DCDC2C: variants seen among roughly 807,000 people sequenced by gnomAD.
DCDC2C encodes the protein doublecortin domain-containing protein 2C.
A neutral mutation model predicts 45.0 loss-of-function variants in DCDC2C; 44 were observed. The observed-to-expected ratio is 0.98, with a 90% CI of 0.77 to 1.26. The LOEUF is 1.26. Ranked by LOEUF, DCDC2C falls within the 50% of genes most tolerant of loss-of-function variation. The pLI is 0.00. For missense variants in DCDC2C, 447 were observed against 468.9 expected, an observed-to-expected ratio of 0.95 and a Z score of 0.43; for synonymous variants, 187 against 178.8, an observed-to-expected ratio of 1.05 and a Z score of -0.37.
chr2:3,785,364 G>C (rs993452657), intron 10 of DCDC2C, among the ~76,000 whole-genome samples: 1 of 152,172 alleles, frequency 6.6e-6, no homozygotes, highest in Non-Finnish European at 1.5e-5. Context: ...CTAGGGCAGC[G>C]TGTGGCTGGC....
intron 4 of DCDC2C, among the ~76,000 whole-genome samples, chr2:3,748,542 GT>G (rs1009916073): frequency 1.2e-4 from 18 of 151,852 alleles, no homozygotes; most frequent in Non-Finnish European, 2.4e-4. Flanking sequence ...TTTTGGACGC[GT>G]CCAGTTGGTG....
chr2:3,767,762 C>T lies in DCDC2C; in HGVS notation c.735C>T (p.Ser245=). ...KNSQRKKKVD[S]KGKEPCKYDG... is the part of the protein sequence containing the mutation. ...CTTCATTTGTCCTGTAGGTGGACTC[C>T]AAAGGAAAAGAACCTTGTAAATATG... Residue 245 remains serine (S), a synonymous_variant, in exon 7 of 11, where the codon TCC becomes TCT. Transcript: ENST00000399143. The T allele has an allele frequency of 3.2e-6, 5 of 1,550,562 alleles. No homozygotes were observed. The highest frequency in any genetic ancestry group is 4.4e-6 in the Non-Finnish European group (5 of 1,146,908).
At chr2:3,813,075 T>G (rs1216448315) in intron 10 of DCDC2C, among the ~76,000 whole-genome samples, 9 of 106,290 alleles carry the variant, frequency 8.5e-5, no homozygotes, top group African/African-American at 3.2e-4. Context: ...ATATTTTTTT[T>G]TTTTTGCTGT....
At chr2:3,746,521 GT>G (rs1404700241) in intron 4 of DCDC2C, among the ~76,000 whole-genome samples, 1 of 152,208 alleles carries the variant, frequency 6.6e-6, no homozygotes, top group Non-Finnish European at 1.5e-5. Context: ...GAAGGAAAAG[GT>G]GATGAGCTAT....
At chr2:3,716,986 G>A (rs1045275241) in intron 2 of DCDC2C, among the ~76,000 whole-genome samples, 1 of 152,136 alleles carries the variant, frequency 6.6e-6, no homozygotes, top group Non-Finnish European at 1.5e-5. Flanking sequence ...CTGCTGATAG[G>A]GGTGAGGTGG....
At chr2:3,763,579 G>A (rs1669943683) in intron 6 of DCDC2C, among the ~76,000 whole-genome samples, 1 of 152,154 alleles carries the variant, frequency 6.6e-6, no homozygotes, top group South Asian at 2.1e-4. Context: ...TGCTGCACGG[G>A]GTCTCTAGTC....
At chr2:3,744,920 G>A (rs1294875648) in intron 4 of DCDC2C, among the ~76,000 whole-genome samples, 1 of 152,198 alleles carries the variant, frequency 6.6e-6, no homozygotes, top group Non-Finnish European at 1.5e-5. Context: ...ATAAAGCTGT[G>A]TGCAGTAGAT....
chr2:3,711,931 G>T (rs1415199434), intron 2 of DCDC2C, among the ~76,000 whole-genome samples: 1 of 152,232 alleles, frequency 6.6e-6, no homozygotes, highest in East Asian at 1.9e-4. Context: ...TATCATGTCA[G>T]CGTGCGTGGC....
At chr2:3,728,661 C>T (rs1668769320) in intron 3 of DCDC2C, among the ~76,000 whole-genome samples, 3 of 152,222 alleles carry the variant, frequency 2.0e-5, no homozygotes, top group Admixed American at 1.3e-4. Flanking sequence ...AGTGCAGAGT[C>T]CTTCCTACCA....
chr2:3,751,494 G>A (rs957819851), intron 4 of DCDC2C, among the ~76,000 whole-genome samples: 7 of 152,188 alleles, frequency 4.6e-5, no homozygotes, highest in Non-Finnish European at 1.0e-4. Context: ...GCAGCTCTCG[G>A]GATGGGACCC....
At chr2:3,807,242 TC>T (rs959424992) in intron 10 of DCDC2C, among the ~76,000 whole-genome samples, 1 of 152,080 alleles carries the variant, frequency 6.6e-6, no homozygotes, top group South Asian at 2.1e-4. Context: ...CTTCCAAATT[TC>T]CCCCCTTGCC....
chr2:3,759,306 A>G (rs1669813418), intron 6 of DCDC2C, among the ~76,000 whole-genome samples: 1 of 152,218 alleles, frequency 6.6e-6, no homozygotes, highest in African/African-American at 2.4e-5. Context: ...ATGCTATGTC[A>G]TAAAAATGGG....
intron 6 of DCDC2C, among the ~76,000 whole-genome samples, chr2:3,766,151 A>AC (rs1030653849): frequency 3.9e-5 from 6 of 151,954 alleles, no homozygotes; most frequent in African/African-American, 1.5e-4. Flanking sequence ...GCTGGGTCAC[A>AC]CCGTGGGTGG....
intron 2 of DCDC2C, among the ~76,000 whole-genome samples, chr2:3,719,160 A>C (rs530273130): frequency 1.5e-4 from 22 of 151,486 alleles, no homozygotes; most frequent in African/African-American, 5.1e-4. Context: ...ATCTTGGCTC[A>C]CTGCAAGCTC....
At chr2:3,772,246 C>T (rs1354873698) in intron 8 of DCDC2C, among the ~76,000 whole-genome samples, 1 of 151,648 alleles carries the variant, frequency 6.6e-6, no homozygotes, top group Non-Finnish European at 1.5e-5. Context: ...ATCCGAGCAT[C>T]CATGGAGGAT....
chr2:3,795,544 A>G (rs1324007985), intron 10 of DCDC2C, among the ~76,000 whole-genome samples: 3 of 120,886 alleles, frequency 2.5e-5, no homozygotes, highest in Admixed American at 8.4e-5. Context: ...TGATTTTTGT[A>G]TAAGGTGTGA....
intron 1 of DCDC2C, among the ~76,000 whole-genome samples, chr2:3,708,095 G>T (rs1167658769): frequency 6.6e-6 from 1 of 152,126 alleles, no homozygotes; most frequent in African/African-American, 2.4e-5. Context: ...TTTGGCAAAA[G>T]GAGAACAGTG....
chr2:3,778,095 C>T (rs1670399507), intron 8 of DCDC2C, among the ~76,000 whole-genome samples: 1 of 142,344 alleles, frequency 7.0e-6, no homozygotes. Flanking sequence ...TGTGCAGCAC[C>T]CACACCGCAT....
chr2:3,735,532 T>C (rs961909159), intron 3 of DCDC2C, among the ~76,000 whole-genome samples: 1 of 152,008 alleles, frequency 6.6e-6, no homozygotes, highest in African/African-American at 2.4e-5. Context: ...CATCCACAAG[T>C]TGGATTACAG....
Sources: gnomAD v4.1 joint callset for allele counts (sites outside exome capture counted in the v4.1 genomes callset) on GRCh38, gnomAD v4.1.1 for gene constraint, MANE v1.5 for transcripts, NCBI Gene and HGNC (gene_info 2026-07-23, HGNC 2026-07-21) for gene names.